RPH3A: variants seen among roughly 807,000 people sequenced by gnomAD.
RPH3A encodes rabphilin-3A.
In RPH3A, 48 loss-of-function variants were observed where a neutral mutation model predicts 102.2. The ratio of observed to expected loss-of-function variants is 0.47; its 90% CI spans 0.37 to 0.60. The LOEUF is 0.60. Among genes scored for constraint, RPH3A ranks in the 20% least tolerant of loss-of-function variants. The pLI, the probability that RPH3A is intolerant of heterozygous loss-of-function variation, is 0.00. For missense variants in RPH3A, 781 were observed against 910.1 expected (o/e 0.86, Z 1.83); for synonymous variants, 310 against 324.3 (o/e 0.96, Z 0.47).
At chr12:112,575,491 G>A (rs1354357974) in intron 1 of RPH3A, among the ~76,000 whole-genome samples, 1 of 151,850 alleles carries the variant, frequency 6.6e-6, no homozygotes, top group African/African-American at 2.4e-5. Context: ...GTGGGGCGAC[G>A]AGGGACTTGG....
upstream of RPH3A, among the ~76,000 whole-genome samples, chr12:112,790,378 T>C (rs529165173): frequency 6.6e-6 from 1 of 152,148 alleles, no homozygotes; most frequent in East Asian, 1.9e-4. Context: ...CTTTAAAAAA[T>C]TGTTTTTTAA....
At chr12:112,713,017 CTCTTCCTCT>C (rs1286052382) in intron 1 of RPH3A, among the ~76,000 whole-genome samples, 1 of 60,704 alleles carries the variant, frequency 1.6e-5, no homozygotes, top group Non-Finnish European at 2.9e-5. Context: ...CTTCCTCTTC[CTCTTCCTCT>C]TCTTCTTCTT....
intron 1 of RPH3A, among the ~76,000 whole-genome samples, chr12:112,643,984 G>T (rs191191891): frequency 6.6e-6 from 1 of 152,312 alleles, no homozygotes; most frequent in African/African-American, 2.4e-5. Context: ...ATGAAAGCAT[G>T]TCTTCTGCAG....
Position 112,580,394 on chromosome 12 carries a change from C to CTTTTTTTT in RPH3A, c.-140+5093_-140+5100dup, listed in dbSNP as rs773931202. 2.3e-3 allele frequency among the ~76,000 whole-genome samples: 177 copies of CTTTTTTTT among 76,962 alleles called. 12 individuals carry two copies. In the East Asian group the frequency reaches 0.027, roughly 12 times the overall value. 50.5% of individuals were successfully genotyped at this position (76,962 alleles called of 152,430 possible). A position where few individuals can be genotyped will look rare whatever the true frequency, so the allele number is the denominator to read the frequency against. On this transcript the variant is annotated intron_variant, in intron 1 of 21. Transcript: ENST00000543106. ...GACTTAGCAGACACTTTTGTCTTGT[C>CTTTTTTTT]TTTTTTTTTTTTTTTTTTTTTTTTT...
intron 1 of RPH3A, among the ~76,000 whole-genome samples, chr12:112,758,810 T>C (rs1012088458): frequency 6.6e-6 from 1 of 152,198 alleles, no homozygotes; most frequent in Non-Finnish European, 1.5e-5. Context: ...AGTTGTAGGC[T>C]CTCTCTTCTG....
At chr12:112,591,386 GC>G in intron 1 of RPH3A, among the ~76,000 whole-genome samples, 1 of 152,200 alleles carries the variant, frequency 6.6e-6, no homozygotes, top group East Asian at 1.9e-4. Context: ...CACTGCACTG[GC>G]CCTGCAGAGC....
intron 1 of RPH3A, among the ~76,000 whole-genome samples, chr12:112,615,047 C>T (rs1014421150): frequency 2.6e-5 from 4 of 152,110 alleles, no homozygotes; most frequent in Admixed American, 1.3e-4. Flanking sequence ...CATCCACATC[C>T]TCTATGTGGG....
At chr12:112,803,334 G>A (rs2041391854) in intron 2 of RPH3A, among the ~76,000 whole-genome samples, 1 of 151,866 alleles carries the variant, frequency 6.6e-6, no homozygotes, top group African/African-American at 2.4e-5. Context: ...ATGGAGAGAG[G>A]GAGAGGATGA....
At chr12:112,672,630 G>C (rs1003999276) in intron 1 of RPH3A, among the ~76,000 whole-genome samples, 1 of 152,158 alleles carries the variant, frequency 6.6e-6, no homozygotes, top group Non-Finnish European at 1.5e-5. Flanking sequence ...CACGCTGAAG[G>C]CTGTCCTCCC....
rs34209596 is a variant in RPH3A, at chr12:112,629,394, CTT to C, written c.-140+54089_-140+54090del. Among the ~76,000 whole-genome samples, 471 of 134,262 alleles carry C rather than the reference CTT, an allele frequency of 3.5e-3. 2 individuals carry two copies. Among genetic ancestry groups the C allele is most frequent in the Middle Eastern group, 0.011 (3 of 266 alleles). The allele number at this position is 134,262 out of a possible 152,430, so 88.1% of individuals were successfully genotyped here. A position where few individuals can be genotyped will look rare whatever the true frequency, so the allele number is the denominator to read the frequency against. ...TTGAACAATTAGCTGCTGATGTTTGCTTTTTTTTTTTTTTTAACTACCTTTTG... is the reference window on the plus strand; with the variant it reads ...TTGAACAATTAGCTGCTGATGTTTGCTTTTTTTTTTTTTAACTACCTTTTG... On this transcript the variant is annotated intron_variant, in intron 1 of 21. Transcript: ENST00000543106.
chr12:112,822,363 C>T lies in RPH3A; in HGVS notation c.-18-5938C>T, dbSNP rs1323226625. Among the ~76,000 whole-genome samples, 5 of 152,264 alleles carry T rather than the reference C, an allele frequency of 3.3e-5. No individual in the cohort carries two copies. The East Asian group carries it at 7.7e-4, about 23-fold the overall frequency. ...CTGAAGTGCTGCATAAAATCCCTGC[C>T]AGCCCAGCCCCGCTGGGTCACGTTC... On this transcript the variant is annotated intron_variant, in intron 2 of 21. Transcript: ENST00000389385.
chr12:112,871,704 A>G (rs2042711468), intron 10 of RPH3A, among the ~76,000 whole-genome samples: 2 of 149,942 alleles, frequency 1.3e-5, no homozygotes, highest in African/African-American at 2.4e-5. Context: ...TATATAGTGT[A>G]TATATATATA....
intron 1 of RPH3A, among the ~76,000 whole-genome samples, chr12:112,618,257 C>CT (rs2039696282): frequency 6.6e-6 from 1 of 151,954 alleles, no homozygotes; most frequent in Non-Finnish European, 1.5e-5. Context: ...GGCCTTGTCA[C>CT]TGCAGGGGCT....
Position 112,797,223 on chromosome 12 carries a change from C to G in RPH3A, c.-19+4960C>G, listed in dbSNP as rs140113264. Among the ~76,000 whole-genome samples the G allele has an allele frequency of 2.1e-3, 327 of 152,258 alleles. 12 individuals are homozygous for G. The East Asian group carries it at 0.056, about 26-fold the overall frequency. On this transcript the variant is annotated intron_variant, in intron 2 of 21. Coordinates refer to ENST00000389385, the MANE Select transcript of RPH3A (RefSeq NM_001143854.2). ...TCATTCTTTTTCTTAAGGCTCTGCTCTTGGTTAAAGAGCAGATGCTTTGGA... is the reference window on the plus strand; with the variant it reads ...TCATTCTTTTTCTTAAGGCTCTGCTGTTGGTTAAAGAGCAGATGCTTTGGA...
At chr12:112,881,724 C>T (rs1158575833) in intron 14 of RPH3A, 48 bp from the exon 15 acceptor site, 1 of 1,407,884 alleles carries the variant, frequency 7.1e-7, no homozygotes, top group Non-Finnish European at 9.9e-7. Context: ...GACAGCTGAG[C>T]ACTGGGCCCT....
intron 1 of RPH3A, among the ~76,000 whole-genome samples, chr12:112,601,942 A>G (rs899810322): frequency 2.6e-5 from 4 of 152,182 alleles, no homozygotes; most frequent in Admixed American, 6.5e-5. Flanking sequence ...CTTTGTCTCC[A>G]AAAAATAAAC....
intron 1 of RPH3A, among the ~76,000 whole-genome samples, chr12:112,761,738 G>A (rs2040856140): frequency 6.6e-6 from 1 of 152,224 alleles, no homozygotes; most frequent in Non-Finnish European, 1.5e-5. Context: ...TGTTTGCCAT[G>A]TAGACCTGTG....
rs145962586 is a variant in RPH3A, at chr12:112,742,382, C to T, written c.-139-49761C>T. Among the ~76,000 whole-genome samples, 16 of 152,194 alleles carry T rather than the reference C, an allele frequency of 1.1e-4. No individual in the cohort carries two copies. In the East Asian group the frequency reaches 2.3e-3, roughly 22 times the overall value. On this transcript the variant is annotated intron_variant, in intron 1 of 21. Coordinates refer to the RPH3A transcript ENST00000543106. ...GCATCCACAGCAGCAGGAGCCACGGCACCGAGACGGCCATGAGGAAATCAG... is the reference window on the plus strand; with the variant it reads ...GCATCCACAGCAGCAGGAGCCACGGTACCGAGACGGCCATGAGGAAATCAG...
intron 5 of RPH3A, among the ~76,000 whole-genome samples, chr12:112,863,653 T>C (rs2042559080): frequency 6.6e-6 from 1 of 152,236 alleles, no homozygotes; most frequent in Non-Finnish European, 1.5e-5. Flanking sequence ...ACTTCCTAGC[T>C]GTGTGACCTT....
Sources: allele counts gnomAD v4.1 joint callset (sites outside exome capture counted in the v4.1 genomes callset), GRCh38; gene constraint gnomAD v4.1.1; transcripts MANE v1.5; gene names NCBI Gene and HGNC (gene_info 2026-07-23, HGNC 2026-07-21).